The following DGCR2 variants were observed in gnomAD, a reference collection of about 807,000 sequenced individuals.
DGCR2 encodes DiGeorge syndrome critical region gene 2, also known as integral membrane protein DGCR2/IDD.
Under a neutral mutation model 51.6 loss-of-function variants are expected in DGCR2, and 24 were observed. The ratio of observed to expected loss-of-function variants is 0.47; its 90% CI spans 0.34 to 0.65. The LOEUF (loss-of-function observed/expected upper bound fraction) is 0.65. DGCR2 is among the 30% of genes least tolerant of loss of function. The probability of loss-of-function intolerance (pLI) is 0.01; values close to 1 mark genes in which losing one functional copy is unlikely to be tolerated. For synonymous variants in DGCR2, 340 were observed against 315.4 expected (o/e 1.08, Z -0.82); for missense variants, 765 against 772.1 (o/e 0.99, Z 0.11).
chr22:19,078,948 G>C (rs967529739), intron 2 of DGCR2, among the ~76,000 whole-genome samples: 1 of 152,144 alleles, frequency 6.6e-6, no homozygotes, highest in Non-Finnish European at 1.5e-5. Context: ...AAGCCATGTG[G>C]TTCAGGACTT....
In DGCR2 at chr22:19,057,231, G is replaced by T; in HGVS notation, c.626-69C>A. The T allele has an allele frequency of 6.9e-7, 1 of 1,440,948 alleles. No homozygotes were observed. Among genetic ancestry groups the T allele is most frequent in the Non-Finnish European group, 9.3e-7 (1 of 1,074,692 alleles). 89.3% of individuals were successfully genotyped at this position (1,440,948 alleles called of 1,614,324 possible). Reference sequence around the variant, plus strand: ...AGGACAAGCTGTGCAGTCCTCAAGGGGACCATGGCGTCAGACAGGATCATC... The same window carrying T: ...AGGACAAGCTGTGCAGTCCTCAAGGTGACCATGGCGTCAGACAGGATCATC... On this transcript the variant is annotated intron_variant, in intron 5 of 9. Transcript: ENST00000263196. This position sits in a 1 kb window ranked among gnomAD's most constrained non-coding sequence, Gnocchi z 5.1.
At chr22:19,090,903 C>T (rs965370797) in intron 1 of DGCR2, among the ~76,000 whole-genome samples, 2 of 151,520 alleles carry the variant, frequency 1.3e-5, no homozygotes, top group East Asian at 1.9e-4. Flanking sequence ...ATACGCAGAA[C>T]GATCTAAACA....
chr22:19,073,379 G>A (rs1437287464), intron 2 of DGCR2, among the ~76,000 whole-genome samples: 1 of 152,116 alleles, frequency 6.6e-6, no homozygotes, highest in African/African-American at 2.4e-5. Flanking sequence ...CTGCAGAGGA[G>A]AAAACGAAAA....
chr22:19,064,732 C>T, intron 4 of DGCR2, 116 bp downstream of exon 4: 1 of 1,037,684 alleles, frequency 9.6e-7, no homozygotes, highest in Non-Finnish European at 1.4e-6. Context: ...GGCTGGTCTT[C>T]CCAACCTGCT....
chr22:19,087,914 G>C (rs1046675675), intron 2 of DGCR2, among the ~76,000 whole-genome samples: 2 of 152,002 alleles, frequency 1.3e-5, no homozygotes, highest in African/African-American at 4.8e-5. Flanking sequence ...CAAACTCCTG[G>C]CCTAAAGCGA....
intron 2 of DGCR2, among the ~76,000 whole-genome samples, chr22:19,085,037 G>T (rs2082998696): frequency 6.6e-6 from 1 of 151,768 alleles, no homozygotes; most frequent in Non-Finnish European, 1.5e-5. Context: ...TGCTGTGTCT[G>T]TGCAGAAAGA....
intron 7 of DGCR2, among the ~76,000 whole-genome samples, chr22:19,044,129 G>A (rs2082462480): frequency 6.6e-6 from 1 of 152,204 alleles, no homozygotes; most frequent in African/African-American, 2.4e-5. Flanking sequence ...CAAGGACACG[G>A]TCAAGGTCCC....
intron 6 of DGCR2, among the ~76,000 whole-genome samples, chr22:19,053,881 T>TA (rs1236619928): frequency 2.6e-5 from 4 of 152,096 alleles, no homozygotes; most frequent in East Asian, 3.9e-4. Flanking sequence ...ATCCTATAAA[T>TA]AAAAAAACAG....
intron 7 of DGCR2, among the ~76,000 whole-genome samples, chr22:19,044,312 T>G (rs1569037156): frequency 6.6e-6 from 1 of 152,216 alleles, no homozygotes; most frequent in African/African-American, 2.4e-5. Flanking sequence ...CAGTTGGGGT[T>G]GTCTTTTGTC....
At position 19,122,349 on chromosome 22, in the gene DGCR2, G is replaced by A. The variant is rs2083444953; in HGVS notation, c.-143C>T. Reference sequence around the variant, plus strand: ...AGGCGGCGGGAAAGAGCTTCGGCTGGGCCGCGGGCTGGCGCACACTCTCGG... The same window carrying A: ...AGGCGGCGGGAAAGAGCTTCGGCTGAGCCGCGGGCTGGCGCACACTCTCGG... On this transcript the variant is annotated 5_prime_UTR_variant, in exon 1 of 10. Transcript: ENST00000263196. 5 of 609,614 alleles carry A rather than the reference G, an allele frequency of 8.2e-6. No individual in the cohort carries two copies. The highest frequency in any genetic ancestry group is 8.4e-5 in the Admixed American group (2 of 23,876). The allele number at this position is 609,614 out of a possible 1,614,324, so 37.8% of individuals were successfully genotyped here.
chr22:19,101,821 G>A (rs1465982603), intron 1 of DGCR2, among the ~76,000 whole-genome samples: 4 of 151,730 alleles, frequency 2.6e-5, no homozygotes, highest in South Asian at 2.1e-4. Flanking sequence ...TTGGGAGGCC[G>A]AGGCAGGTGG....
At chr22:19,114,457 C>G (rs1486802880) in intron 1 of DGCR2, among the ~76,000 whole-genome samples, 1 of 152,248 alleles carries the variant, frequency 6.6e-6, no homozygotes, top group Non-Finnish European at 1.5e-5. Flanking sequence ...GCCAAGAAAC[C>G]TCCAAGAACT....
rs754383882 is a variant in DGCR2 at position 19,068,058 on chromosome 22, T to C, written c.328+42A>G. ...GGAAAGGCAGGGGTCATGTCAGGCTTGCACTCCCCAGTGTCCCAGTCAGGG... is the reference window on the plus strand; with the variant it reads ...GGAAAGGCAGGGGTCATGTCAGGCTCGCACTCCCCAGTGTCCCAGTCAGGG... On this transcript the variant is annotated intron_variant, in intron 3 of 9. Coordinates refer to ENST00000263196, the MANE Select transcript of DGCR2 (RefSeq NM_005137.3). The C allele has an allele frequency of 2.3e-5, 35 of 1,509,914 alleles. No individual in the cohort carries two copies. In the South Asian group the frequency reaches 3.1e-4, roughly 13 times the overall value. The allele number at this position is 1,509,914 out of a possible 1,614,324, so 93.5% of individuals were successfully genotyped here.
chr22:19,072,066 A>T (rs1175579417), intron 2 of DGCR2, among the ~76,000 whole-genome samples: 2 of 152,124 alleles, frequency 1.3e-5, no homozygotes, highest in Non-Finnish European at 2.9e-5. Flanking sequence ...AGGCAGGTGG[A>T]CACACCCAGA....
chr22:19,113,648 T>C (rs2083341524), intron 1 of DGCR2, among the ~76,000 whole-genome samples: 1 of 152,164 alleles, frequency 6.6e-6, no homozygotes, highest in Non-Finnish European at 1.5e-5. Flanking sequence ...GATGGAAACA[T>C]GTCAGAAGGC....
chr22:19,083,906 G>A (rs565376279), intron 2 of DGCR2, among the ~76,000 whole-genome samples: 2 of 152,198 alleles, frequency 1.3e-5, no homozygotes, highest in Admixed American at 1.3e-4. Context: ...TTTTTTGGTG[G>A]AGACGGGGTT....
chr22:19,108,119 C>A lies in DGCR2; in HGVS notation c.79+14009G>T, dbSNP rs994821293. On this transcript the variant is annotated intron_variant, in intron 1 of 9. Coordinates refer to ENST00000263196, the MANE Select transcript of DGCR2 (RefSeq NM_005137.3). Reference sequence around the variant, plus strand: ...GAGAACCATAAGGTGTCTGCCCCCACGAAGCTCAGATTTTACTAGGGAAGG... The same window carrying A: ...GAGAACCATAAGGTGTCTGCCCCCAAGAAGCTCAGATTTTACTAGGGAAGG... Among the ~76,000 whole-genome samples the A allele has an allele frequency of 2.0e-5, 3 of 152,258 alleles. 1 individual carries two copies. The South Asian group carries it at 6.2e-4, about 32-fold the overall frequency.
At chr22:19,092,991 AAG>A (rs1219242026) in intron 1 of DGCR2, among the ~76,000 whole-genome samples, 6 of 53,626 alleles carry the variant, frequency 1.1e-4, no homozygotes, top group African/African-American at 2.2e-4. Flanking sequence ...AGGAAGAAAG[AAG>A]AGAAGAAGGA....
intron 1 of DGCR2, among the ~76,000 whole-genome samples, chr22:19,118,396 AAAC>A (rs1417512613): frequency 3.3e-5 from 5 of 151,042 alleles, no homozygotes; most frequent in Admixed American, 6.6e-5. Flanking sequence ...AAAAAAAAAA[AAAC>A]AACTCTGGAC....
Sources: allele counts gnomAD v4.1 joint callset (sites outside exome capture counted in the v4.1 genomes callset), GRCh38; gene constraint gnomAD v4.1.1; non-coding constraint Gnocchi (gnomAD v3.1); transcripts MANE v1.5; gene names NCBI Gene and HGNC (gene_info 2026-07-23, HGNC 2026-07-21).